Variants in GRID2IP observed in about 807,000 individuals in gnomAD.
The protein encoded by GRID2IP is delphilin.
GRID2IP carries 78 observed loss-of-function variants against 114.3 expected under a neutral mutation model. That is an observed-to-expected ratio of 0.68 (90% CI 0.57 to 0.82). GRID2IP has a LOEUF of 0.82. GRID2IP is among the 40% of genes least tolerant of loss of function. GRID2IP has a pLI of 0.00. For synonymous variants in GRID2IP, 809 were observed against 724.0 expected, an observed-to-expected ratio of 1.12 and a Z score of -1.89; for missense variants, 1,727 against 1,678.5, an observed-to-expected ratio of 1.03 and a Z score of -0.51.
Position 6,509,579 on chromosome 7 carries a change from G to C in GRID2IP, c.1772-266C>G, listed in dbSNP as rs1786703433. On this transcript the variant is annotated intron_variant, in intron 11 of 21. Transcript: ENST00000457091. This position sits in a 1 kb window ranked among gnomAD's most constrained non-coding sequence, Gnocchi z 4.9. ...AATGGTCACCAGGGGTCCCAGCTGG[G>C]AGCCACTGAACACCATTAACTCAAA... Among the ~76,000 whole-genome samples, 1 of 152,176 alleles carries C rather than the reference G, an allele frequency of 6.6e-6. No individual in the cohort carries two copies. The highest frequency in any genetic ancestry group is 2.4e-5 in the African/African-American group (1 of 41,438).
rs183445046 is a variant in GRID2IP at position 6,543,576 on chromosome 7, A to C, written c.430-3704T>G. ...TGTCAAAGTGGGTTGCGTCACTCTC[A>C]CCTCACCCTATTTATGCCTCCACTT... On this transcript the variant is annotated intron_variant, in intron 1 of 21. Transcript: ENST00000457091. Among the ~76,000 whole-genome samples the C allele has an allele frequency of 2.0e-5, 3 of 151,230 alleles. No homozygotes were observed. In the East Asian group the frequency reaches 5.8e-4, roughly 29 times the overall value.
chr7:6,543,214 G>C (rs896290453), intron 1 of GRID2IP, among the ~76,000 whole-genome samples: 2 of 152,100 alleles, frequency 1.3e-5, no homozygotes, highest in African/African-American at 4.8e-5. Context: ...GGCCAACATG[G>C]TGAAACCCCA....
chr7:6,501,379 CAAATAAAT>C, intron 20 of GRID2IP, among the ~76,000 whole-genome samples: 1 of 152,024 alleles, frequency 6.6e-6, no homozygotes, highest in East Asian at 1.9e-4. Context: ...AACAAACAAA[CAAATAAAT>C]AAATAAATAA....
rs576042733 is a variant in GRID2IP at position 6,509,756 on chromosome 7, G to A, written c.1772-443C>T. Among the ~76,000 whole-genome samples, 9 of 152,318 alleles carry A rather than the reference G, an allele frequency of 5.9e-5. No individual in the cohort carries two copies. The highest frequency in any genetic ancestry group is 2.0e-4 in the Admixed American group (3 of 15,298). ...CCAGCTGTGCCAACGCTGGTACAAC[G>A]CGTTGCACTTGATCATTTATCCAAT... On this transcript the variant is annotated intron_variant, in intron 11 of 21. Coordinates refer to ENST00000457091, the MANE Select transcript of GRID2IP (RefSeq NM_001145118.2). This position sits in a 1 kb window ranked among gnomAD's most constrained non-coding sequence, Gnocchi z 4.9.
At chr7:6,533,355 A>G (rs2115089654) in intron 2 of GRID2IP, among the ~76,000 whole-genome samples, 1 of 152,170 alleles carries the variant, frequency 6.6e-6, no homozygotes, top group Non-Finnish European at 1.5e-5. Flanking sequence ...AATTCTGCCA[A>G]TATCTCTCTT....
rs55942808 is a variant in GRID2IP, at chr7:6,521,231, A to G, written c.1084+198T>C. ...AGCGATCCTCCCACCTTGGCCTCCC[A>G]AAGTGCTGGGATTCCAGGCATGAGC... On this transcript the variant is annotated intron_variant, in intron 6 of 21. Coordinates refer to ENST00000457091, the MANE Select transcript of GRID2IP (RefSeq NM_001145118.2). The surrounding 1 kb of genome is among the most constrained non-coding windows in gnomAD (Gnocchi z 4.1). Among the ~76,000 whole-genome samples, 269 of 152,278 alleles carry G rather than the reference A, an allele frequency of 1.8e-3. 1 individual carries two copies. Among genetic ancestry groups the G allele is most frequent in the African/African-American group, 6.2e-3 (257 of 41,564 alleles).
chr7:6,502,084 G>C lies in GRID2IP; in HGVS notation c.3185C>G (p.Thr1062Ser). The change falls in exon 19 of 22, where the codon ACC (threonine) becomes AGC (serine). Residue 1062 changes from threonine to serine, a missense_variant. Transcript: ENST00000457091. ...CGATTTGGCAAGGATGTGCAGGAAG[G>C]TGGACTTCCCATCCACTGTCTTGGT... ...NSTKTVDGKS[T>S]FLHILAKSLS... 1 of 1,551,304 alleles carries C rather than the reference G, an allele frequency of 6.4e-7. No individual in the cohort carries two copies. The highest frequency in any genetic ancestry group is 8.7e-7 in the Non-Finnish European group (1 of 1,146,836).
In GRID2IP at chr7:6,516,877, TCA is replaced by T. The variant is rs935517003; in HGVS notation, c.1269-2350_1269-2349del. Among the ~76,000 whole-genome samples the T allele has an allele frequency of 6.6e-6, 1 of 152,072 alleles. No individual in the cohort carries two copies. The highest frequency in any genetic ancestry group is 2.4e-5 in the African/African-American group (1 of 41,400). On this transcript the variant is annotated intron_variant, in intron 7 of 21. Transcript: ENST00000457091. The surrounding 1 kb of genome is among the most constrained non-coding windows in gnomAD (Gnocchi z 4.3). Reference sequence around the variant, plus strand: ...GCCCCCTGTCTGGCGGACACGTGACTCACATGACCTTACCTATCATTGGAGAT... The same window carrying T: ...GCCCCCTGTCTGGCGGACACGTGACTCATGACCTTACCTATCATTGGAGAT...
At chr7:6,511,990 C>T (rs1779178429) in intron 8 of GRID2IP, among the ~76,000 whole-genome samples, 1 of 152,088 alleles carries the variant, frequency 6.6e-6, no homozygotes, top group Admixed American at 6.6e-5. Flanking sequence ...TCACTGCAAC[C>T]TCCACCTCCC....
In GRID2IP at chr7:6,508,037, T is replaced by C. The variant is rs1420756258; in HGVS notation, c.2492A>G (p.Lys831Arg). ...CTCCACCTGTTCCCACCGCAAGCGC[T>C]TGACGCTCATGTGGCTGGTCTCACT... The part of the protein sequence containing the change: ...RRSETSHMSV[K>R]RLRWEQVENS... The change falls in exon 13 of 22, where the codon AAG (lysine) becomes AGG (arginine). Residue 831 changes from lysine to arginine, a missense_variant. Physicochemically the swap from Lys to Arg is conservative, Grantham distance 26. Transcript: ENST00000457091. This position sits in a 1 kb window ranked among gnomAD's most constrained non-coding sequence, Gnocchi z 5.6. 2 of 1,549,764 alleles carry C rather than the reference T, an allele frequency of 1.3e-6. No individual in the cohort carries two copies. The highest frequency in any genetic ancestry group is 1.7e-6 in the Non-Finnish European group (2 of 1,146,774).
At chr7:6,538,739 G>A (rs557732633) in intron 2 of GRID2IP, among the ~76,000 whole-genome samples, 5 of 152,168 alleles carry the variant, frequency 3.3e-5, no homozygotes, top group Admixed American at 6.6e-5. Context: ...TTAGCTGGGC[G>A]TAGTGGCACC....
At chr7:6,505,597 GA>G (rs1786554288) in intron 14 of GRID2IP, among the ~76,000 whole-genome samples, 1 of 152,140 alleles carries the variant, frequency 6.6e-6, no homozygotes, top group Admixed American at 6.6e-5. Flanking sequence ...TCGAACCCCT[GA>G]GCTCAGGCGA....
At chr7:6,504,964 C>G (rs878873424) in intron 14 of GRID2IP, 94 bp from the exon 15 acceptor site, 1 of 974,062 alleles carries the variant, frequency 1.0e-6, no homozygotes, top group South Asian at 1.4e-5. Flanking sequence ...CAGCCACTAT[C>G]CCCCTAAGCA....
chr7:6,538,422 C>G (rs1779763011), intron 2 of GRID2IP, among the ~76,000 whole-genome samples: 1 of 149,148 alleles, frequency 6.7e-6, no homozygotes, highest in African/African-American at 2.5e-5. Flanking sequence ...AGTAATCAGG[C>G]CGGGTACAGT....
In GRID2IP at chr7:6,536,617, G is replaced by A. The variant is rs914855271; in HGVS notation, c.584+3101C>T. On this transcript the variant is annotated intron_variant, in intron 2 of 21. Coordinates refer to ENST00000457091, the MANE Select transcript of GRID2IP (RefSeq NM_001145118.2). This position sits in a 1 kb window ranked among gnomAD's most constrained non-coding sequence, Gnocchi z 5.3. ...GGCTGCCAGCAGCCGGGAGACGAGC[G>A]AGCCAACTTCCTGGGGGACAGCTGG... Among the ~76,000 whole-genome samples the A allele has an allele frequency of 2.6e-5, 4 of 151,898 alleles. No homozygotes were observed. Among genetic ancestry groups the A allele is most frequent in the African/African-American group, 4.8e-5 (2 of 41,420 alleles).
rs1779385626 is a variant in GRID2IP at position 6,520,127 on chromosome 7, G to T, written c.1268+451C>A. ...TGTCTCTAGTAAAACCCTGTCTCTA[G>T]TAAAAATACAAAAAAATTAGCCGGG... On this transcript the variant is annotated intron_variant, in intron 7 of 21. Transcript: ENST00000457091. This position sits in a 1 kb window ranked among gnomAD's most constrained non-coding sequence, Gnocchi z 4.6. Among the ~76,000 whole-genome samples, 1 of 151,908 alleles carries T rather than the reference G, an allele frequency of 6.6e-6. No homozygotes were observed. The highest frequency in any genetic ancestry group is 1.5e-5 in the Non-Finnish European group (1 of 67,934).
intron 2 of GRID2IP, among the ~76,000 whole-genome samples, chr7:6,527,811 T>C (rs1248534597): frequency 6.7e-6 from 1 of 149,526 alleles, no homozygotes; most frequent in Non-Finnish European, 1.5e-5. Context: ...CAGGCTGGAG[T>C]ACAATGGTGA....
In GRID2IP at chr7:6,502,775, G is replaced by C. The variant is rs1209379781; in HGVS notation, c.3150+11C>G. On this transcript the variant is annotated intron_variant, in intron 18 of 21. Transcript: ENST00000457091. ...GCAAACCAGTCGATTGCTGCCGGCA[G>C]GTCCCCTCACCTCTGTCAGAAAGTT... The C allele has an allele frequency of 1.3e-6, 2 of 1,546,500 alleles. No homozygotes were observed. Among genetic ancestry groups the C allele is most frequent in the Non-Finnish European group, 8.8e-7 (1 of 1,142,236 alleles).
At chr7:6,501,485 C>G (rs1374611660) in intron 20 of GRID2IP, among the ~76,000 whole-genome samples, 2 of 152,112 alleles carry the variant, frequency 1.3e-5, no homozygotes, top group Non-Finnish European at 2.9e-5. Context: ...GCAGATCACT[C>G]GAGCCCAGGA....
Sources: gnomAD v4.1 joint callset for allele counts (sites outside exome capture counted in the v4.1 genomes callset) on GRCh38, gnomAD v4.1.1 for gene constraint, Gnocchi (gnomAD v3.1) non-coding constraint, MANE v1.5 for transcripts, NCBI Gene and HGNC (gene_info 2026-07-23, HGNC 2026-07-21) for gene names.